The following GTF2H1 variants were observed in gnomAD, a reference collection of about 807,000 sequenced individuals.
GTF2H1 encodes BTF2 p62.
GTF2H1 carries 16 observed loss-of-function variants against 71.2 expected under a neutral mutation model. The observed-to-expected ratio is 0.22, with a 90% confidence interval of 0.15 to 0.34. GTF2H1 has a LOEUF of 0.34. Among genes scored for constraint, GTF2H1 ranks in the 10% least tolerant of loss-of-function variants. The pLI is 1.00. For missense variants in GTF2H1, 498 were observed against 648.2 expected (o/e 0.77, Z 2.52); for synonymous variants, 215 against 219.0 (o/e 0.98, Z 0.16).
rs182561485 is a variant in GTF2H1 at position 18,341,320 on chromosome 11, C to T, written c.667C>T (p.Arg223Cys). The T allele has an allele frequency of 1.8e-5, 29 of 1,613,632 alleles. No homozygotes were observed. The highest frequency in any genetic ancestry group is 8.8e-5 in the South Asian group (8 of 91,058). Residue 223 changes from arginine (R) to cysteine (C), a missense_variant, in exon 6 of 15, where the codon CGT becomes TGT. Transcript: ENST00000265963. ...HNMTEKEFWT[R>C]FFQSHYFHRD... ...CATGACAGAGAAGGAATTCTGGACA[C>T]GTTTTTTCCAGTCCCATTATTTTCA...
chr11:18,362,653 A>G (rs1390879601), intron 14 of GTF2H1, among the ~76,000 whole-genome samples: 2 of 141,566 alleles, frequency 1.4e-5, no homozygotes, highest in Non-Finnish European at 3.0e-5. Context: ...ATAGATATAT[A>G]TATTTTTTCT....
At position 18,341,307 on chromosome 11, in the gene GTF2H1, G is replaced by T; in HGVS notation, c.654G>T (p.Lys218Asn). 6.2e-7 allele frequency: 1 copy of T among 1,613,800 alleles called. No homozygotes were observed. Among genetic ancestry groups the T allele is most frequent in the Non-Finnish European group, 8.5e-7 (1 of 1,179,814 alleles). ...AENVPHNMTEKEFWTRFFQSH... is the reference protein window; with the variant it reads ...AENVPHNMTENEFWTRFFQSH... ...ATGTTCCCCACAACATGACAGAGAA[G>T]GAATTCTGGACACGTTTTTTCCAGT... Residue 218 changes from lysine to asparagine, a missense_variant, in exon 6 of 15, where the codon AAG becomes AAT. Coordinates refer to ENST00000265963, the MANE Select transcript of GTF2H1 (RefSeq NM_005316.4).
intron 11 of GTF2H1, among the ~76,000 whole-genome samples, chr11:18,352,743 C>T (rs1865455057): frequency 6.6e-6 from 1 of 152,060 alleles, no homozygotes; most frequent in Admixed American, 6.5e-5. Context: ...ACATTATTCT[C>T]TGAATATTCT....
chr11:18,328,587 G>GGCT (rs1864824133), intron 1 of GTF2H1, among the ~76,000 whole-genome samples: 1 of 151,714 alleles, frequency 6.6e-6, no homozygotes, highest in Non-Finnish European at 1.5e-5. Flanking sequence ...CACTTTGGGA[G>GGCT]GCTGAGGCGG....
At position 18,331,705 on chromosome 11, in the gene GTF2H1, GT is replaced by G. The variant is rs57415073; in HGVS notation, c.-15-1345del. ...TGATGGTTTAAGTAGTTTTTTGGGG[GT>G]TTTTTTTTTGTAACTTTATTACAAG... On this transcript the variant is annotated intron_variant, in intron 1 of 14. Coordinates refer to ENST00000265963, the MANE Select transcript of GTF2H1 (RefSeq NM_005316.4). Among the ~76,000 whole-genome samples, 292 of 146,792 alleles carry G rather than the reference GT, an allele frequency of 2.0e-3. 1 individual carries two copies. The highest frequency in any genetic ancestry group is 6.3e-3 in the African/African-American group (255 of 40,198).
At chr11:18,346,361 C>A (rs1014359117) in intron 7 of GTF2H1, among the ~76,000 whole-genome samples, 22 of 152,264 alleles carry the variant, frequency 1.4e-4, no homozygotes, top group African/African-American at 5.1e-4. Flanking sequence ...AGTTTCCTCT[C>A]CCTGAAATGT....
chr11:18,342,948 A>G lies in GTF2H1; in HGVS notation c.837+1341A>G, dbSNP rs530407971. 2.1e-3 allele frequency among the ~76,000 whole-genome samples: 313 copies of G among 151,712 alleles called. 1 individual carries two copies. Among genetic ancestry groups the G allele is most frequent in the Non-Finnish European group, 3.4e-3 (231 of 67,816 alleles). ...GTTTTGTTCTGTTTTTTGAGATGGG[A>G]TCTCACTCTGTTGCCCAGGCTGGAG... On this transcript the variant is annotated intron_variant, in intron 7 of 14. Coordinates refer to ENST00000265963, the MANE Select transcript of GTF2H1 (RefSeq NM_005316.4).
intron 14 of GTF2H1, among the ~76,000 whole-genome samples, chr11:18,365,334 C>T (rs1865796889): frequency 6.6e-6 from 1 of 151,970 alleles, no homozygotes; most frequent in African/African-American, 2.4e-5. Context: ...GCCAAAATCA[C>T]ACCATAGCAC....
intron 7 of GTF2H1, among the ~76,000 whole-genome samples, chr11:18,342,259 T>C (rs1565010351): frequency 7.7e-6 from 1 of 129,256 alleles, no homozygotes; most frequent in Admixed American, 7.6e-5. Flanking sequence ...TCTCTTTTTT[T>C]TTTTTTTTTT....
At chr11:18,351,025 T>C (rs1865408351) in intron 9 of GTF2H1, among the ~76,000 whole-genome samples, 1 of 152,190 alleles carries the variant, frequency 6.6e-6, no homozygotes, top group Admixed American at 6.6e-5. Flanking sequence ...TAAATTATTT[T>C]ACAAATGGTG....
intron 14 of GTF2H1, among the ~76,000 whole-genome samples, chr11:18,363,243 C>T (rs148026462): frequency 1.3e-5 from 2 of 152,036 alleles, no homozygotes; most frequent in African/African-American, 4.8e-5. Context: ...TAGGAGTACA[C>T]CGTAAATAAT....
At chr11:18,335,262 T>C (rs1235184364) in intron 2 of GTF2H1, among the ~76,000 whole-genome samples, 5 of 152,248 alleles carry the variant, frequency 3.3e-5, no homozygotes, top group Non-Finnish European at 5.9e-5. Flanking sequence ...TTAATGAGGC[T>C]AAGTTTGATA....
At chr11:18,346,168 T>C (rs2133973778) in intron 7 of GTF2H1, among the ~76,000 whole-genome samples, 1 of 152,306 alleles carries the variant, frequency 6.6e-6, no homozygotes, top group Middle Eastern at 3.4e-3. Context: ...TATTGAACCA[T>C]ATACAGTCTC....
Position 18,341,193 on chromosome 11 carries a change from G to GTT in GTF2H1, c.608-67_608-66dup, listed in dbSNP as rs1865148191. 5.7e-6 allele frequency: 7 copies of GTT among 1,234,806 alleles called. No individual in the cohort carries two copies. The African/African-American group carries it at 1.1e-4, about 19-fold the overall frequency. The allele number at this position is 1,234,806 out of a possible 1,614,324, so 76.5% of individuals were successfully genotyped here. A position where few individuals can be genotyped will look rare whatever the true frequency, so the allele number is the denominator to read the frequency against. Reference sequence around the variant, plus strand: ...TCTAGATTTTGCTATTTGTATTTCAGTTACCTAATTTGAGAGGTTTTAAAA... The same window carrying GTT: ...TCTAGATTTTGCTATTTGTATTTCAGTTTTACCTAATTTGAGAGGTTTTAAAA... On this transcript the variant is annotated intron_variant, in intron 5 of 14. Coordinates refer to ENST00000265963, the MANE Select transcript of GTF2H1 (RefSeq NM_005316.4).
In GTF2H1 at chr11:18,365,943, G is replaced by A. The variant is rs1865815375; in HGVS notation, c.*74G>A. On this transcript the variant is annotated 3_prime_UTR_variant, in exon 15 of 15. Coordinates refer to ENST00000265963, the MANE Select transcript of GTF2H1 (RefSeq NM_005316.4). The stretch of plus-strand genomic sequence containing the variant: ...TGCAGCAACTCTGGAAACCTGGCCT[G>A]ACAGACAAGCAGATGACCTCACAGG... The A allele has an allele frequency of 1.0e-6, 1 of 981,518 alleles. No individual in the cohort carries two copies. Among genetic ancestry groups the A allele is most frequent in the Non-Finnish European group, 1.6e-6 (1 of 621,378 alleles). 60.8% of individuals were successfully genotyped at this position (981,518 alleles called of 1,614,324 possible). A position where few individuals can be genotyped will look rare whatever the true frequency, so the allele number is the denominator to read the frequency against.
chr11:18,336,447 A>G (rs1166216059), intron 3 of GTF2H1, among the ~76,000 whole-genome samples: 1 of 151,984 alleles, frequency 6.6e-6, no homozygotes, highest in African/African-American at 2.4e-5. Context: ...CACTTTTGCT[A>G]TGATACTGTA....
intron 1 of GTF2H1, among the ~76,000 whole-genome samples, chr11:18,323,173 T>A (rs188545536): frequency 1.3e-5 from 2 of 152,264 alleles, no homozygotes; most frequent in East Asian, 3.9e-4. Flanking sequence ...GTCCACACAC[T>A]CCTAGTTTTG....
chr11:18,344,288 A>T (rs939916701), intron 7 of GTF2H1, among the ~76,000 whole-genome samples: 1 of 151,980 alleles, frequency 6.6e-6, no homozygotes, highest in Non-Finnish European at 1.5e-5. Context: ...TATTTTTGCT[A>T]TCTTGTCTTT....
chr11:18,355,333 C>T (rs1865517825), intron 11 of GTF2H1, among the ~76,000 whole-genome samples: 1 of 151,222 alleles, frequency 6.6e-6, no homozygotes, highest in African/African-American at 2.4e-5. Context: ...TTAGTAGCAA[C>T]GGGGTTTCAC....
Sources: allele counts gnomAD v4.1 joint callset (sites outside exome capture counted in the v4.1 genomes callset), GRCh38; gene constraint gnomAD v4.1.1; transcripts MANE v1.5; gene names NCBI Gene and HGNC (gene_info 2026-07-23, HGNC 2026-07-21).